The following PCDHGA1 variants were observed in gnomAD, a reference collection of about 807,000 sequenced individuals.
PCDHGA1 encodes protocadherin gamma subfamily A, 1.
A neutral mutation model predicts 58.0 loss-of-function variants in PCDHGA1; 32 were observed. That is an observed-to-expected ratio of 0.55 (90% CI 0.42 to 0.74). The LOEUF is 0.74. Ranked by LOEUF, PCDHGA1 falls within the 30% of genes least tolerant of loss-of-function variation. PCDHGA1 has a pLI of 0.00. For synonymous variants in PCDHGA1, 498 were observed against 501.1 expected (o/e 0.99, Z 0.08); for missense variants, 1,205 against 1,182.3 (o/e 1.02, Z -0.28).
At chr5:141,383,473 C>G (rs764928203) in intron 1 of PCDHGA1, 2 of 1,613,686 alleles carry the variant, frequency 1.2e-6, no homozygotes, top group South Asian at 1.1e-5. Flanking sequence ...AACTAAGTAC[C>G]CGGAACTGGT....
chr5:141,355,320 AG>A (rs1759800188), intron 1 of PCDHGA1: 1 of 1,613,986 alleles, frequency 6.2e-7, no homozygotes, highest in East Asian at 2.2e-5. Context: ...AGGAGCAGGA[AG>A]AAGGCTCAGT....
At chr5:141,426,432 C>T (rs1239073805) in intron 1 of PCDHGA1, 2 of 295,812 alleles carry the variant, frequency 6.8e-6, no homozygotes, top group African/African-American at 2.2e-5. Flanking sequence ...TGGTGGGGAA[C>T]CTTGCGGAGG....
intron 1 of PCDHGA1, chr5:141,376,051 C>G (rs771320447): frequency 7.4e-6 from 12 of 1,613,344 alleles, no homozygotes; most frequent in Non-Finnish European, 9.3e-6. Context: ...CTCTCTCCGC[C>G]ACTGTCACGC....
In PCDHGA1 at chr5:141,360,958, G is replaced by A. The variant is rs1761818073; in HGVS notation, c.2421+27853G>A. 3.1e-6 allele frequency: 5 copies of A among 1,613,878 alleles called. No homozygotes were observed. In the African/African-American group the frequency reaches 5.3e-5, roughly 17 times the overall value. ...CACCGACCGGGATGAAGGCATAAAC[G>A]CAGAGATCACCTACTCCTTTCATAA... On this transcript the variant is annotated intron_variant, in intron 1 of 3. Transcript: ENST00000517417.
At position 141,490,356 on chromosome 5, in the gene PCDHGA1, T is replaced by C. The variant is rs771968534; in HGVS notation, c.2422-4451T>C. ...CAGTGGGCACAGTAGTGGGGTTGTT[T>C]AATGTGCGAGACCGGGACTCAGGTA... On this transcript the variant is annotated intron_variant, in intron 1 of 3. Coordinates refer to ENST00000517417, the MANE Select transcript of PCDHGA1 (RefSeq NM_018912.3). The surrounding 1 kb of genome is among the most constrained non-coding windows in gnomAD (Gnocchi z 5.4). 1.4e-5 allele frequency: 23 copies of C among 1,614,084 alleles called. No individual in the cohort carries two copies. Among genetic ancestry groups the C allele is most frequent in the Non-Finnish European group, 1.9e-5 (22 of 1,180,038 alleles).
chr5:141,358,355 T>A (rs1760896522), intron 1 of PCDHGA1, among the ~76,000 whole-genome samples: 1 of 152,236 alleles, frequency 6.6e-6, no homozygotes, highest in South Asian at 2.1e-4. Flanking sequence ...GAGGGTTTTT[T>A]AATTTCCTAT....
intron 2 of PCDHGA1, among the ~76,000 whole-genome samples, chr5:141,497,603 G>A (rs1045138662): frequency 3.3e-5 from 5 of 149,832 alleles, no homozygotes; most frequent in Non-Finnish European, 7.4e-5. Context: ...GCAGTGGTGC[G>A]ATCTTGGCTC....
chr5:141,483,648 TTGTG>T (rs111458813), intron 1 of PCDHGA1, among the ~76,000 whole-genome samples: 10 of 149,592 alleles, frequency 6.7e-5, no homozygotes, highest in Non-Finnish European at 1.0e-4. Flanking sequence ...GGGTGTGTGT[TTGTG>T]TGTGTGTGTG....
At chr5:141,423,187 C>G in intron 1 of PCDHGA1, 5 of 1,613,640 alleles carry the variant, frequency 3.1e-6, no homozygotes, top group Middle Eastern at 1.6e-4. Context: ...CGGCCAGCCC[C>G]CTCTCTCGGC....
rs749817501 is a variant in PCDHGA1 at position 141,423,756 on chromosome 5, G to GT, written c.2422-71051_2422-71050insT. ...GCCTGTTATGAAAACTGTTTGGGGGGGGGGTGGGGCGGCATATATTTAGTT... is the reference window on the plus strand; with the variant it reads ...GCCTGTTATGAAAACTGTTTGGGGGGTGGGGTGGGGCGGCATATATTTAGTT... On this transcript the variant is annotated intron_variant, in intron 1 of 3. Transcript: ENST00000517417. 9 of 448,538 alleles carry GT rather than the reference G, an allele frequency of 2.0e-5. 1 individual carries two copies. Among genetic ancestry groups the GT allele is most frequent in the African/African-American group, 2.8e-5 (1 of 35,670 alleles). 27.8% of individuals were successfully genotyped at this position (448,538 alleles called of 1,614,324 possible).
intron 1 of PCDHGA1, among the ~76,000 whole-genome samples, chr5:141,336,182 A>G (rs1247666611): frequency 6.6e-6 from 1 of 152,150 alleles, no homozygotes; most frequent in Non-Finnish European, 1.5e-5. Flanking sequence ...TAATAAAACC[A>G]GTGGGGAGAA....
At chr5:141,341,099 G>T (rs763381960) in intron 1 of PCDHGA1, 2 of 1,614,222 alleles carry the variant, frequency 1.2e-6, no homozygotes, top group South Asian at 1.1e-5. Flanking sequence ...CTTCGTCATC[G>T]TGTTGCTGGC....
At chr5:141,415,749 T>TG in intron 1 of PCDHGA1, 2 of 1,214,000 alleles carry the variant, frequency 1.6e-6, no homozygotes, top group Non-Finnish European at 1.1e-6. Context: ...GGTTTTTTTT[T>TG]TTTTTTTTTT....
Position 141,505,374 on chromosome 5 carries a change from C to T in PCDHGA1, c.2481-19C>T. The T allele has an allele frequency of 2.5e-6, 4 of 1,614,004 alleles. No homozygotes were observed. Among genetic ancestry groups the T allele is most frequent in the Non-Finnish European group, 2.5e-6 (3 of 1,179,944 alleles). On this transcript the variant is annotated intron_variant, in intron 2 of 3. Coordinates refer to ENST00000517417, the MANE Select transcript of PCDHGA1 (RefSeq NM_018912.3). Reference sequence around the variant, plus strand: ...TGCCGGCCTGGGAGTCTGTGCTCACCATCCTACTCTCTCCCCAGCTCCCAA... The same window carrying T: ...TGCCGGCCTGGGAGTCTGTGCTCACTATCCTACTCTCTCCCCAGCTCCCAA...
chr5:141,368,520 A>G (rs886509819), intron 1 of PCDHGA1, among the ~76,000 whole-genome samples: 7 of 152,168 alleles, frequency 4.6e-5, no homozygotes, highest in Admixed American at 6.5e-5. Flanking sequence ...ATTCACTCCT[A>G]TGTGAAAACT....
chr5:141,458,350 A>C (rs1259508706), intron 1 of PCDHGA1, among the ~76,000 whole-genome samples: 1 of 152,162 alleles, frequency 6.6e-6, no homozygotes, highest in East Asian at 1.9e-4. Flanking sequence ...GGAGAGTTTA[A>C]TAAGCAAGAA....
At position 141,362,587 on chromosome 5, in the gene PCDHGA1, G is replaced by A. The variant is rs747611453; in HGVS notation, c.2421+29482G>A. The A allele has an allele frequency of 3.8e-6, 6 of 1,594,472 alleles. No individual in the cohort carries two copies. In the East Asian group the frequency reaches 1.3e-4, roughly 36 times the overall value. On this transcript the variant is annotated intron_variant, in intron 1 of 3. Coordinates refer to ENST00000517417, the MANE Select transcript of PCDHGA1 (RefSeq NM_018912.3). ...CTTTAATTAATTTATTTTCACTTCT[G>A]GTTTTATTGTTTCACCTAATTTGGG...
Position 141,431,046 on chromosome 5 carries a change from G to A in PCDHGA1, c.2422-63761G>A, listed in dbSNP as rs1324139757. 7 of 1,614,240 alleles carry A rather than the reference G, an allele frequency of 4.3e-6. 1 individual carries two copies. The Admixed American group carries it at 1.0e-4, about 23-fold the overall frequency. ...GGCAGGATAGACCGGGAGGAGCTCTGTATGGGGGCCATCAAGTGTCAATTA... is the reference window on the plus strand; with the variant it reads ...GGCAGGATAGACCGGGAGGAGCTCTATATGGGGGCCATCAAGTGTCAATTA... On this transcript the variant is annotated intron_variant, in intron 1 of 3. Transcript: ENST00000517417. The surrounding 1 kb of genome is among the most constrained non-coding windows in gnomAD (Gnocchi z 4.8).
chr5:141,393,486 A>G, intron 1 of PCDHGA1: 1 of 1,614,082 alleles, frequency 6.2e-7, no homozygotes. Flanking sequence ...TCGCTCTAGC[A>G]CAGTGCGCAT....
Sources: allele counts gnomAD v4.1 joint callset (sites outside exome capture counted in the v4.1 genomes callset), GRCh38; gene constraint gnomAD v4.1.1; non-coding constraint Gnocchi (gnomAD v3.1); transcripts MANE v1.5; gene names NCBI Gene and HGNC (gene_info 2026-07-23, HGNC 2026-07-21).